Variants in ZFPM2 observed in about 807,000 individuals in gnomAD.
The protein encoded by ZFPM2 is zinc finger protein, FOG family member 2.
ZFPM2 carries 20 observed loss-of-function variants against 98.6 expected under a neutral mutation model. The ratio of observed to expected loss-of-function variants is 0.20; its 90% CI spans 0.14 to 0.29. ZFPM2 has a LOEUF of 0.29. Among genes scored for constraint, ZFPM2 ranks in the 10% least tolerant of loss-of-function variants. The pLI is 1.00. For missense variants in ZFPM2, 1,310 were observed against 1,388.6 expected, an observed-to-expected ratio of 0.94 and a Z score of 0.90; for synonymous variants, 518 against 502.7, an observed-to-expected ratio of 1.03 and a Z score of -0.41.
Position 105,644,297 on chromosome 8 carries a change from T to TA in ZFPM2, c.532+9950dup, listed in dbSNP as rs58170875. ...TTCTTTCTTTTCTTTTTTTTTTTTT[T>TA]AAAAAAAAAACAGGGTTTTGCCATG... On this transcript the variant is annotated intron_variant, in intron 5 of 7. Transcript: ENST00000407775. 8.6e-3 allele frequency among the ~76,000 whole-genome samples: 1,256 copies of TA among 145,546 alleles called. 11 individuals are homozygous for TA. The highest frequency in any genetic ancestry group is 0.025 in the African/African-American group (993 of 39,694).
intron 5 of ZFPM2, among the ~76,000 whole-genome samples, chr8:105,690,397 G>A (rs893976523): frequency 1.3e-5 from 2 of 152,086 alleles, no homozygotes; most frequent in African/African-American, 2.4e-5. Context: ...ATTGACCATC[G>A]GGGCCAAACC....
chr8:105,426,970 A>G (rs1173113388), intron 2 of ZFPM2, among the ~76,000 whole-genome samples: 1 of 152,138 alleles, frequency 6.6e-6, no homozygotes, highest in South Asian at 2.1e-4. Flanking sequence ...ACAAAAAAAT[A>G]GTGTCCTATA....
At chr8:105,679,986 A>G (rs1167523949) in intron 5 of ZFPM2, among the ~76,000 whole-genome samples, 1 of 152,170 alleles carries the variant, frequency 6.6e-6, no homozygotes, top group African/African-American at 2.4e-5. Flanking sequence ...GCAAGTTTGC[A>G]TAAGGTAAAT....
intron 3 of ZFPM2, among the ~76,000 whole-genome samples, chr8:105,525,262 A>G (rs13250492): frequency 0.14 from 21,232 of 152,206 alleles, 1,616 homozygotes; most frequent in Non-Finnish European, 0.18. Flanking sequence ...TCAATAGTGT[A>G]TACTGTTGCC....
chr8:105,789,288 A>C (rs1464439235), intron 6 of ZFPM2, among the ~76,000 whole-genome samples: 1 of 150,278 alleles, frequency 6.7e-6, no homozygotes, highest in Non-Finnish European at 1.5e-5. Flanking sequence ...TCCTGTGTCC[A>C]TGTGTTCTCA....
In ZFPM2 at chr8:105,534,361, C is replaced by T. The variant is rs544619650; in HGVS notation, c.302-27002C>T. Among the ~76,000 whole-genome samples, 8 of 141,966 alleles carry T rather than the reference C, an allele frequency of 5.6e-5. No homozygotes were observed. The South Asian group carries it at 1.9e-3, about 34-fold the overall frequency. 93.1% of individuals were successfully genotyped at this position (141,966 alleles called of 152,430 possible). ...CCCTCACTCTCTCATCCCTTCCTTCCTCCCTTTCTTCCTTTCTTTCCTTCC... is the reference window on the plus strand; with the variant it reads ...CCCTCACTCTCTCATCCCTTCCTTCTTCCCTTTCTTCCTTTCTTTCCTTCC... On this transcript the variant is annotated intron_variant, in intron 3 of 7. Transcript: ENST00000407775.
rs1362451702 is a variant in ZFPM2, at chr8:105,400,267, A to AT, written c.41-18869dup. ...TTATTTTTTTATTTTTATTTATTTT[A>AT]TTTTTTTTATTATACTTTAAGTTTT... On this transcript the variant is annotated intron_variant, in intron 1 of 7. Transcript: ENST00000407775. Among the ~76,000 whole-genome samples the AT allele has an allele frequency of 1.1e-4, 17 of 151,292 alleles. No homozygotes were observed. The East Asian group carries it at 2.1e-3, about 19-fold the overall frequency.
intron 1 of ZFPM2, among the ~76,000 whole-genome samples, chr8:105,352,516 C>A (rs1272747854): frequency 2.0e-5 from 3 of 151,730 alleles, no homozygotes; most frequent in Non-Finnish European, 4.4e-5. Context: ...TCCAGAACAT[C>A]CTCCTTTTTT....
At chr8:105,504,948 TTAA>T (rs1204733472) in intron 3 of ZFPM2, among the ~76,000 whole-genome samples, 3 of 151,998 alleles carry the variant, frequency 2.0e-5, no homozygotes, top group Non-Finnish European at 4.4e-5. Context: ...GAAAAAAGTA[TTAA>T]TAAGGAATGA....
chr8:105,460,404 C>T (rs906010866), intron 3 of ZFPM2, among the ~76,000 whole-genome samples: 12 of 152,170 alleles, frequency 7.9e-5, no homozygotes, highest in Non-Finnish European at 1.5e-4. Context: ...AAGGAGGCAT[C>T]TCTTTTGCTC....
intron 1 of ZFPM2, among the ~76,000 whole-genome samples, chr8:105,328,635 G>C (rs984814329): frequency 6.6e-6 from 1 of 151,806 alleles, no homozygotes; most frequent in Non-Finnish European, 1.5e-5. Context: ...TTCCAAGACT[G>C]TTGTCAATAT....
intron 1 of ZFPM2, among the ~76,000 whole-genome samples, chr8:105,417,191 C>T (rs1019380442): frequency 2.6e-4 from 40 of 152,028 alleles, no homozygotes; most frequent in African/African-American, 9.2e-4. Context: ...AGCGTTTTCA[C>T]TTATCAGTTG....
chr8:105,657,074 A>G (rs1817300152), intron 5 of ZFPM2, among the ~76,000 whole-genome samples: 1 of 152,154 alleles, frequency 6.6e-6, no homozygotes, highest in African/African-American at 2.4e-5. Flanking sequence ...AACAATTTAT[A>G]TTTAATATAT....
At chr8:105,376,350 C>T (rs1274576073) in intron 1 of ZFPM2, among the ~76,000 whole-genome samples, 1 of 152,154 alleles carries the variant, frequency 6.6e-6, no homozygotes, top group Non-Finnish European at 1.5e-5. Flanking sequence ...CTCTCCTGGA[C>T]CTTCCTCTCT....
chr8:105,404,438 G>A (rs1811401553), intron 1 of ZFPM2, among the ~76,000 whole-genome samples: 1 of 152,048 alleles, frequency 6.6e-6, no homozygotes, highest in Admixed American at 6.6e-5. Flanking sequence ...ATTACTTGGT[G>A]ATCCTGGATA....
intron 2 of ZFPM2, among the ~76,000 whole-genome samples, chr8:105,438,361 A>G (rs1812166757): frequency 6.6e-6 from 1 of 152,330 alleles, no homozygotes; most frequent in Non-Finnish European, 1.5e-5. Flanking sequence ...TGCCCAACAC[A>G]GTGCCTGGGC....
At chr8:105,472,530 T>C (rs1034855726) in intron 3 of ZFPM2, among the ~76,000 whole-genome samples, 6 of 152,058 alleles carry the variant, frequency 3.9e-5, no homozygotes, top group Non-Finnish European at 7.4e-5. Flanking sequence ...TGAGACGGAG[T>C]CTCACTCTGT....
intron 3 of ZFPM2, among the ~76,000 whole-genome samples, chr8:105,522,978 G>T (rs556356933): frequency 6.6e-6 from 1 of 152,196 alleles, no homozygotes; most frequent in East Asian, 1.9e-4. Flanking sequence ...TAAATTTGAT[G>T]AGTGGAAATA....
intron 3 of ZFPM2, among the ~76,000 whole-genome samples, chr8:105,519,030 A>C (rs1315044875): frequency 6.6e-6 from 1 of 152,212 alleles, no homozygotes; most frequent in Non-Finnish European, 1.5e-5. Flanking sequence ...CCTATGTATC[A>C]CACACCATTC....
Sources: gnomAD v4.1 joint callset for allele counts (sites outside exome capture counted in the v4.1 genomes callset) on GRCh38, gnomAD v4.1.1 for gene constraint, MANE v1.5 for transcripts, NCBI Gene and HGNC (gene_info 2026-07-23, HGNC 2026-07-21) for gene names.